Variants in PHF20L1 observed in about 807,000 individuals in gnomAD.
PHF20L1 encodes PHD finger protein 20 like 1.
PHF20L1 carries 44 observed loss-of-function variants against 125.5 expected under a neutral mutation model. The observed-to-expected ratio is 0.35, with a 90% confidence interval of 0.28 to 0.45. PHF20L1 has a LOEUF of 0.45. PHF20L1 is among the 20% of genes least tolerant of loss of function. The pLI is 1.00. For missense variants in PHF20L1, 1,012 were observed against 1,217.2 expected, an observed-to-expected ratio of 0.83 and a Z score of 2.51; for synonymous variants, 380 against 403.1, an observed-to-expected ratio of 0.94 and a Z score of 0.69.
In PHF20L1 at chr8:132,836,730, T is replaced by C; in HGVS notation, c.2091+9T>C. 1 of 1,597,954 alleles carries C rather than the reference T, an allele frequency of 6.3e-7. No individual in the cohort carries two copies. The highest frequency in any genetic ancestry group is 8.6e-7 in the Non-Finnish European group (1 of 1,166,510). On this transcript the variant is annotated intron_variant, in intron 16 of 20. Transcript: ENST00000395386. ...ATGGCTTCATGATCCAGGTAATTGG[T>C]TAACCTCTCTTCCCTATAATGAGTT...
chr8:132,787,035 A>G (rs946319961), intron 2 of PHF20L1, among the ~76,000 whole-genome samples: 4 of 144,564 alleles, frequency 2.8e-5, no homozygotes, highest in African/African-American at 1.0e-4. Flanking sequence ...TGCTAGCACC[A>G]TTAAGTAGTT....
intron 18 of PHF20L1, among the ~76,000 whole-genome samples, chr8:132,839,999 C>G (rs1181978979): frequency 6.6e-6 from 1 of 151,892 alleles, no homozygotes; most frequent in Non-Finnish European, 1.5e-5. Flanking sequence ...ATGAAGGGAG[C>G]CTACAAACCG....
intron 2 of PHF20L1, among the ~76,000 whole-genome samples, chr8:132,783,709 A>T (rs1446574629): frequency 6.6e-6 from 1 of 152,176 alleles, no homozygotes; most frequent in Admixed American, 6.5e-5. Flanking sequence ...CAGTTTGTCT[A>T]TACATAGAAA....
chr8:132,806,021 A>C (rs919313100), intron 8 of PHF20L1, among the ~76,000 whole-genome samples: 7 of 151,932 alleles, frequency 4.6e-5, no homozygotes, highest in Non-Finnish European at 1.0e-4. Flanking sequence ...ACCCAGTGCT[A>C]TGTGCTGGGC....
At chr8:132,830,014 T>TA (rs1836590151) in intron 14 of PHF20L1, among the ~76,000 whole-genome samples, 1 of 152,046 alleles carries the variant, frequency 6.6e-6, no homozygotes, top group Admixed American at 6.6e-5. Context: ...ATCAGTGGTT[T>TA]AAAAAAATAT....
chr8:132,791,117 C>T (rs1385395347), intron 2 of PHF20L1, among the ~76,000 whole-genome samples: 1 of 152,004 alleles, frequency 6.6e-6, no homozygotes, highest in Non-Finnish European at 1.5e-5. Flanking sequence ...AATGAGAAAA[C>T]GTATAGAAAG....
chr8:132,830,302 TG>T (rs1473264102), intron 14 of PHF20L1, among the ~76,000 whole-genome samples: 1 of 152,068 alleles, frequency 6.6e-6, no homozygotes, highest in Non-Finnish European at 1.5e-5. Flanking sequence ...GCCATTACAT[TG>T]GGCCCACCCA....
chr8:132,834,947 CA>C (rs1324777884), intron 15 of PHF20L1, among the ~76,000 whole-genome samples: 1 of 151,886 alleles, frequency 6.6e-6, no homozygotes, highest in Non-Finnish European at 1.5e-5. Context: ...TAATCAACAA[CA>C]AAACATTCAA....
At chr8:132,806,785 G>C (rs559615839) in intron 8 of PHF20L1, 14 of 152,000 alleles carry the variant, frequency 9.2e-5, no homozygotes, top group Non-Finnish European at 2.1e-4. Flanking sequence ...TCATCTGTAT[G>C]TGTCTTTTTG....
At chr8:132,793,408 A>G (rs1445880450) in intron 2 of PHF20L1, among the ~76,000 whole-genome samples, 1 of 152,218 alleles carries the variant, frequency 6.6e-6, no homozygotes, top group African/African-American at 2.4e-5. Context: ...ATCAGTTCCT[A>G]CATTTCAAAG....
chr8:132,844,670 A>C (rs2131962169), intron 20 of PHF20L1, among the ~76,000 whole-genome samples: 1 of 152,274 alleles, frequency 6.6e-6, no homozygotes, highest in Non-Finnish European at 1.5e-5. Context: ...TTGAAATGTG[A>C]AAACATTTTG....
At chr8:132,777,486 C>T (rs1251435777) in intron 1 of PHF20L1, among the ~76,000 whole-genome samples, 2 of 152,220 alleles carry the variant, frequency 1.3e-5, no homozygotes, top group African/African-American at 4.8e-5. Context: ...TCTTGGGTAT[C>T]TGGAAGCTCA....
At position 132,832,385 on chromosome 8, in the gene PHF20L1, A is replaced by G. The variant is rs749065452; in HGVS notation, c.1895A>G (p.Asp632Gly). 15 of 1,611,094 alleles carry G rather than the reference A, an allele frequency of 9.3e-6. No individual in the cohort carries two copies. Among genetic ancestry groups the G allele is most frequent in the Non-Finnish European group, 8.5e-6 (10 of 1,177,788 alleles). ...TACCCAAGGGCAATTCTATCCGTTG[A>G]TCTTAGTGGTGAAAGTATGTGTAAC... ...YQYPRAILSV[D>G]LSGENLSDVD... Residue 632 changes from aspartate (D) to glycine (G), a missense_variant, in exon 15 of 21, where the codon GAT becomes GGT. Around this residue, in one of 7 missense-constraint regions of PHF20L1, gnomAD observed 320 missense variants for 293.8 expected, o/e 1.09. Transcript: ENST00000395386.
intron 2 of PHF20L1, among the ~76,000 whole-genome samples, chr8:132,789,578 C>G (rs1425438204): frequency 6.6e-6 from 1 of 152,018 alleles, no homozygotes; most frequent in Non-Finnish European, 1.5e-5. Context: ...TCCATTAAGC[C>G]AAATAAACAA....
chr8:132,845,523 A>G (rs1007615917), intron 20 of PHF20L1, among the ~76,000 whole-genome samples: 1 of 152,066 alleles, frequency 6.6e-6, no homozygotes, highest in African/African-American at 2.4e-5. Context: ...CCCCTTATAT[A>G]TAAAAATACA....
chr8:132,826,485 G>T (rs1054953738), intron 14 of PHF20L1: 2 of 152,076 alleles, frequency 1.3e-5, no homozygotes, highest in African/African-American at 2.4e-5. Flanking sequence ...CAAAAGTCAT[G>T]CATTCCTTCA....
chr8:132,784,503 AT>A (rs999208024), intron 2 of PHF20L1, among the ~76,000 whole-genome samples: 35 of 148,590 alleles, frequency 2.4e-4, no homozygotes, highest in African/African-American at 4.4e-4. Flanking sequence ...GGGATGACAG[AT>A]TTTTTTTTTT....
chr8:132,804,799 ATTTATT>A, intron 8 of PHF20L1, 59 bp downstream of exon 8: 1 of 1,406,444 alleles, frequency 7.1e-7, no homozygotes, highest in South Asian at 1.3e-5. Context: ...TTTTAGAGTA[ATTTATT>A]TTTAATGAAG....
At chr8:132,780,296 A>T (rs1173941426) in intron 2 of PHF20L1, among the ~76,000 whole-genome samples, 1 of 152,240 alleles carries the variant, frequency 6.6e-6, no homozygotes, top group East Asian at 1.9e-4. Flanking sequence ...AAGTTCTGAG[A>T]TTAGTGCTCT....
Sources: allele counts gnomAD v4.1 joint callset (sites outside exome capture counted in the v4.1 genomes callset), GRCh38; gene constraint gnomAD v4.1.1; regional missense constraint gnomAD v4.1.1; transcripts MANE v1.5; gene names NCBI Gene and HGNC (gene_info 2026-07-23, HGNC 2026-07-21).